Variants in ARHGAP10 observed in about 807,000 individuals in gnomAD.
The protein encoded by ARHGAP10 is Rho GTPase activating protein 10, also known as rho GTPase-activating protein 10.
A neutral mutation model predicts 108.6 loss-of-function variants in ARHGAP10; 87 were observed. The observed-to-expected ratio is 0.80, with a 90% confidence interval of 0.67 to 0.96. The LOEUF is 0.96. Ranked by LOEUF, ARHGAP10 falls within the 40% of genes least tolerant of loss-of-function variation. The pLI is 0.00. For missense variants in ARHGAP10, 939 were observed against 954.5 expected, an observed-to-expected ratio of 0.98 and a Z score of 0.21; for synonymous variants, 347 against 341.1, an observed-to-expected ratio of 1.02 and a Z score of -0.19.
intron 16 of ARHGAP10, among the ~76,000 whole-genome samples, chr4:147,961,700 C>T (rs1225656480): frequency 6.6e-6 from 1 of 152,000 alleles, no homozygotes; most frequent in Non-Finnish European, 1.5e-5. Context: ...TGTTTAACCT[C>T]CTCATTTTAG....
chr4:147,932,055 A>T (rs1335106015), intron 13 of ARHGAP10, among the ~76,000 whole-genome samples: 2 of 151,656 alleles, frequency 1.3e-5, no homozygotes, highest in Non-Finnish European at 2.9e-5. Context: ...CAACAAACAT[A>T]TGAAAAAAAA....
intron 7 of ARHGAP10, among the ~76,000 whole-genome samples, chr4:147,870,042 G>A (rs1251579577): frequency 6.7e-6 from 1 of 148,310 alleles, no homozygotes; most frequent in South Asian, 2.1e-4. Flanking sequence ...GTGTGTGTGT[G>A]TGTTTCATTT....
chr4:147,894,889 C>T (rs1735925342), intron 10 of ARHGAP10, among the ~76,000 whole-genome samples: 2 of 152,158 alleles, frequency 1.3e-5, no homozygotes, highest in Admixed American at 6.6e-5. Flanking sequence ...TTTGTCTGTT[C>T]TTTTGCCAGT....
chr4:148,070,174 G>GTATA lies in ARHGAP10; in HGVS notation c.2273-1816_2273-1815insATAT, dbSNP rs1469321843. Among the ~76,000 whole-genome samples, 3 of 152,254 alleles carry GTATA rather than the reference G, an allele frequency of 2.0e-5. No homozygotes were observed. The East Asian group carries it at 5.8e-4, about 29-fold the overall frequency. ...CAGTGTGTCTCTCCTATATATACAC[G>GTATA]TATGCCTGCACACACGCACACAGAA... is the stretch of plus-strand genomic sequence containing the variant. On this transcript the variant is annotated intron_variant, in intron 22 of 22. Coordinates refer to ENST00000336498, the MANE Select transcript of ARHGAP10 (RefSeq NM_024605.4).
intron 11 of ARHGAP10, 90 bp from the exon 12 acceptor site, chr4:147,909,642 A>ATT (rs527688091): frequency 1.8e-6 from 2 of 1,092,530 alleles, no homozygotes; most frequent in South Asian, 1.5e-5. Flanking sequence ...ATAAAAATGT[A>ATT]TTTTTTTTTG....
At chr4:147,766,566 G>A (rs1729821927) in intron 1 of ARHGAP10, among the ~76,000 whole-genome samples, 1 of 147,490 alleles carries the variant, frequency 6.8e-6, no homozygotes, top group East Asian at 2.1e-4. Flanking sequence ...GTGTGTGTGG[G>A]TGTGTGTGTA....
At chr4:147,883,876 G>A (rs1000770919) in intron 10 of ARHGAP10, among the ~76,000 whole-genome samples, 2 of 151,934 alleles carry the variant, frequency 1.3e-5, no homozygotes, top group Admixed American at 6.6e-5. Context: ...TGTATTTTCA[G>A]TACAGACAGG....
rs192234658 is a variant in ARHGAP10, at chr4:147,980,427, G to A, written c.1716+13588G>A. ...AAATTAACTTTCTGATATGCTGCTG[G>A]ATTTGGTTTACTAGTATTTTGTTGA... is the stretch of plus-strand genomic sequence containing the variant. On this transcript the variant is annotated intron_variant, in intron 18 of 22. Transcript: ENST00000336498. Among the ~76,000 whole-genome samples, 14 of 152,268 alleles carry A rather than the reference G, an allele frequency of 9.2e-5. No homozygotes were observed. The East Asian group carries it at 2.7e-3, about 29-fold the overall frequency.
At chr4:147,855,083 TA>T (rs1295645512) in intron 4 of ARHGAP10, among the ~76,000 whole-genome samples, 3 of 152,244 alleles carry the variant, frequency 2.0e-5, no homozygotes, top group African/African-American at 4.8e-5. Flanking sequence ...TGGTAAGTAC[TA>T]GTCTGCAGTG....
At chr4:147,930,109 G>A (rs1010374516) in intron 13 of ARHGAP10, among the ~76,000 whole-genome samples, 2 of 152,254 alleles carry the variant, frequency 1.3e-5, no homozygotes, top group East Asian at 3.9e-4. Flanking sequence ...TATTGATGAA[G>A]CATCTCATTC....
intron 3 of ARHGAP10, among the ~76,000 whole-genome samples, chr4:147,836,046 C>T (rs1038755286): frequency 2.0e-5 from 3 of 152,132 alleles, no homozygotes; most frequent in Non-Finnish European, 4.4e-5. Context: ...TACTTAAAAA[C>T]AAATCTTTAC....
chr4:147,776,864 A>G (rs1267795333), intron 1 of ARHGAP10, among the ~76,000 whole-genome samples: 1 of 152,190 alleles, frequency 6.6e-6, no homozygotes, highest in Non-Finnish European at 1.5e-5. Flanking sequence ...AGATGCTGTG[A>G]AGAGTTTCGA....
intron 1 of ARHGAP10, among the ~76,000 whole-genome samples, chr4:147,760,280 A>T (rs1045314166): frequency 6.6e-6 from 1 of 152,250 alleles, no homozygotes; most frequent in African/African-American, 2.4e-5. Context: ...TTTCACAATA[A>T]CTGAAGGAGG....
chr4:147,992,819 G>A (rs940947864), intron 18 of ARHGAP10, among the ~76,000 whole-genome samples: 1 of 152,184 alleles, frequency 6.6e-6, no homozygotes, highest in Admixed American at 6.5e-5. Flanking sequence ...GATGGCCATG[G>A]AAGGTATGAG....
intron 20 of ARHGAP10, among the ~76,000 whole-genome samples, chr4:148,050,420 C>T (rs1729083046): frequency 7.8e-6 from 1 of 127,768 alleles, no homozygotes; most frequent in East Asian, 2.5e-4. Flanking sequence ...GTTGCCCAGG[C>T]TGGAGTGCAG....
chr4:147,901,589 G>A (rs929099332), intron 10 of ARHGAP10, among the ~76,000 whole-genome samples: 1 of 152,146 alleles, frequency 6.6e-6, no homozygotes, highest in African/African-American at 2.4e-5. Flanking sequence ...AGTTTGAGTC[G>A]TTGTGCTTGG....
chr4:147,795,097 C>T (rs1034822335), intron 1 of ARHGAP10, among the ~76,000 whole-genome samples: 2 of 152,038 alleles, frequency 1.3e-5, no homozygotes, highest in Non-Finnish European at 2.9e-5. Flanking sequence ...AGTTTTTTTC[C>T]TTAGAGACAG....
chr4:147,955,056 T>C (rs556263089), intron 15 of ARHGAP10, among the ~76,000 whole-genome samples: 1 of 152,214 alleles, frequency 6.6e-6, no homozygotes, highest in South Asian at 2.1e-4. Flanking sequence ...AAAGCTACTT[T>C]CCGTGATTAG....
Position 148,063,165 on chromosome 4 carries a change from C to T in ARHGAP10, c.2045C>T (p.Ser682Leu), listed in dbSNP as rs771126748. Residue 682 changes from serine to leucine, a missense_variant, in exon 21 of 23, where the codon TCG becomes TTG. By Grantham distance (145) the Ser-to-Leu change is moderately radical (BLOSUM62 -2). Coordinates refer to ENST00000336498, the MANE Select transcript of ARHGAP10 (RefSeq NM_024605.4). ...ACCCTTAGCCCAGGCCAGACCCGATCGTCTATGGTCCAGTGGCTTAACCCA... is the reference window on the plus strand; with the variant it reads ...ACCCTTAGCCCAGGCCAGACCCGATTGTCTATGGTCCAGTGGCTTAACCCA... The part of the protein sequence containing the change: ...WASTIPGQTR[S>L]SMVQWLNPQS... The T allele has an allele frequency of 9.9e-6, 16 of 1,614,088 alleles. No individual in the cohort carries two copies. Among genetic ancestry groups the T allele is most frequent in the African/African-American group, 2.7e-5 (2 of 74,922 alleles).
Sources: gnomAD v4.1 joint callset for allele counts (sites outside exome capture counted in the v4.1 genomes callset) on GRCh38, gnomAD v4.1.1 for gene constraint, MANE v1.5 for transcripts, NCBI Gene and HGNC (gene_info 2026-07-23, HGNC 2026-07-21) for gene names.